NEGR1: variants seen among roughly 807,000 people sequenced by gnomAD.
The protein encoded by NEGR1 is neuronal growth regulator 1, also known as IgLON family member 4.
NEGR1 carries 10 observed loss-of-function variants against 40.9 expected under a neutral mutation model. The ratio of observed to expected loss-of-function variants is 0.24; its 90% CI spans 0.15 to 0.42. NEGR1 has a LOEUF of 0.42. NEGR1 is among the 10% of genes least tolerant of loss of function. The pLI, the probability that NEGR1 is intolerant of heterozygous loss-of-function variation, is 1.00. For missense variants in NEGR1, 352 were observed against 438.9 expected, an observed-to-expected ratio of 0.80 and a Z score of 1.77; for synonymous variants, 185 against 166.8, an observed-to-expected ratio of 1.11 and a Z score of -0.84.
intron 6 of NEGR1, among the ~76,000 whole-genome samples, chr1:71,588,225 A>G (rs890152462): frequency 6.6e-6 from 1 of 152,136 alleles, no homozygotes; most frequent in African/African-American, 2.4e-5. Flanking sequence ...TTAGTTGCTC[A>G]TGTTCAGGAA....
chr1:71,941,302 G>A (rs1645956980), intron 1 of NEGR1, among the ~76,000 whole-genome samples: 1 of 151,936 alleles, frequency 6.6e-6, no homozygotes, highest in African/African-American at 2.4e-5. Context: ...TTATATGGAA[G>A]AGAACAGAAA....
intron 6 of NEGR1, among the ~76,000 whole-genome samples, chr1:71,523,170 T>G (rs1345029595): frequency 6.6e-6 from 1 of 151,798 alleles, no homozygotes; most frequent in Admixed American, 6.6e-5. Flanking sequence ...CAGGTAAGTT[T>G]GGGTTGTTGG....
chr1:72,112,287 T>C (rs1232983032), intron 1 of NEGR1, among the ~76,000 whole-genome samples: 1 of 151,520 alleles, frequency 6.6e-6, no homozygotes, highest in East Asian at 1.9e-4. Flanking sequence ...TCTACCCCTT[T>C]GGCTTATTTT....
intron 1 of NEGR1, among the ~76,000 whole-genome samples, chr1:72,206,100 ATAATG>A (rs555528740): frequency 2.0e-4 from 31 of 151,986 alleles, no homozygotes; most frequent in African/African-American, 6.3e-4. Flanking sequence ...TAACTCTAAT[ATAATG>A]TAATGTGCTA....
chr1:71,701,659 C>A (rs1431096162), intron 3 of NEGR1, among the ~76,000 whole-genome samples: 1 of 151,962 alleles, frequency 6.6e-6, no homozygotes, highest in Non-Finnish European at 1.5e-5. Flanking sequence ...CAGACTAGGG[C>A]ATGGACATCT....
chr1:72,198,176 T>C (rs1462897728), intron 1 of NEGR1, among the ~76,000 whole-genome samples: 1 of 152,012 alleles, frequency 6.6e-6, no homozygotes, highest in Non-Finnish European at 1.5e-5. Flanking sequence ...ACCATATTTC[T>C]AGCCTCCTTG....
intron 5 of NEGR1, among the ~76,000 whole-genome samples, chr1:71,597,290 T>C (rs1171356486): frequency 2.6e-5 from 4 of 151,888 alleles, no homozygotes; most frequent in African/African-American, 9.7e-5. Context: ...AGGAAAATTA[T>C]GACATAGTTA....
chr1:71,782,973 A>G (rs1656769039), intron 2 of NEGR1, among the ~76,000 whole-genome samples: 1 of 151,758 alleles, frequency 6.6e-6, no homozygotes, highest in South Asian at 2.1e-4. Context: ...AGGTAGTCCC[A>G]TGTGAGTTGG....
chr1:71,674,281 T>C (rs1326584193), intron 4 of NEGR1, among the ~76,000 whole-genome samples: 1 of 152,152 alleles, frequency 6.6e-6, no homozygotes, highest in South Asian at 2.1e-4. Flanking sequence ...AGTCAAAGAA[T>C]GAGTCATGTA....
At chr1:71,647,590 C>G (rs918298166) in intron 4 of NEGR1, among the ~76,000 whole-genome samples, 4 of 151,838 alleles carry the variant, frequency 2.6e-5, no homozygotes, top group Admixed American at 2.6e-4. Flanking sequence ...GCTTCCTCCT[C>G]CCTCCTGACA....
intron 1 of NEGR1, among the ~76,000 whole-genome samples, chr1:72,281,070 T>C (rs1656224361): frequency 1.3e-5 from 2 of 152,254 alleles, no homozygotes; most frequent in East Asian, 3.9e-4. Flanking sequence ...CACTCTGCAG[T>C]GTTGCTTAGG....
chr1:71,437,505 T>C (rs1000788844), intron 6 of NEGR1, among the ~76,000 whole-genome samples: 1 of 152,080 alleles, frequency 6.6e-6, no homozygotes. Flanking sequence ...AATGGCCACT[T>C]TGTAAATTAA....
At chr1:72,117,781 A>C (rs563297607) in intron 1 of NEGR1, among the ~76,000 whole-genome samples, 98 of 151,950 alleles carry the variant, frequency 6.4e-4, no homozygotes, top group African/African-American at 2.3e-3. Flanking sequence ...CATTCTTTAT[A>C]TAGGCCAGAC....
chr1:71,545,493 C>T (rs1177715804), intron 6 of NEGR1, among the ~76,000 whole-genome samples: 1 of 151,672 alleles, frequency 6.6e-6, no homozygotes, highest in Non-Finnish European at 1.5e-5. Context: ...TGTAGATTGT[C>T]CACCATCTTC....
chr1:71,821,599 T>G (rs1199625620), intron 2 of NEGR1, among the ~76,000 whole-genome samples: 6 of 151,938 alleles, frequency 3.9e-5, no homozygotes, highest in Non-Finnish European at 8.8e-5. Context: ...GCCCCACCAC[T>G]TGGACCACGT....
intron 6 of NEGR1, among the ~76,000 whole-genome samples, chr1:71,513,825 A>G (rs1169144084): frequency 6.6e-6 from 1 of 150,628 alleles, no homozygotes; most frequent in African/African-American, 2.4e-5. Context: ...GGTTCATCTC[A>G]CTAGGGAGTG....
intron 1 of NEGR1, among the ~76,000 whole-genome samples, chr1:72,274,131 C>T (rs751778921): frequency 2.0e-5 from 3 of 151,826 alleles, no homozygotes; most frequent in African/African-American, 7.3e-5. Flanking sequence ...AGAAGCCATG[C>T]CTGAGATACA....
intron 6 of NEGR1, among the ~76,000 whole-genome samples, chr1:71,536,943 T>A (rs1647532236): frequency 6.6e-6 from 1 of 151,708 alleles, no homozygotes; most frequent in African/African-American, 2.4e-5. Context: ...ACATTGTAGG[T>A]AATAGTTGAA....
chr1:72,082,672 A>G (rs984608555), intron 1 of NEGR1, among the ~76,000 whole-genome samples: 2 of 151,874 alleles, frequency 1.3e-5, no homozygotes, highest in Non-Finnish European at 2.9e-5. Flanking sequence ...TGCTTTCAAA[A>G]CAACAAAACC....
Sources: gnomAD v4.1 joint callset for allele counts (sites outside exome capture counted in the v4.1 genomes callset) on GRCh38, gnomAD v4.1.1 for gene constraint, MANE v1.5 for transcripts, NCBI Gene and HGNC (gene_info 2026-07-23, HGNC 2026-07-21) for gene names.